STK10: variants seen among roughly 807,000 people sequenced by gnomAD.
STK10 encodes the protein serine/threonine kinase 10.
Under a neutral mutation model 113.8 loss-of-function variants are expected in STK10, and 78 were observed. That is an observed-to-expected ratio of 0.69 (90% CI 0.57 to 0.83). The LOEUF is 0.83. Among genes scored for constraint, STK10 ranks in the 40% least tolerant of loss-of-function variants. STK10 has a pLI of 0.00. For synonymous variants in STK10, 465 were observed against 494.7 expected, an observed-to-expected ratio of 0.94 and a Z score of 0.80; for missense variants, 1,109 against 1,280.1, an observed-to-expected ratio of 0.87 and a Z score of 2.04.
chr5:172,173,351 T>C (rs1770695505), intron 1 of STK10, among the ~76,000 whole-genome samples: 1 of 152,180 alleles, frequency 6.6e-6, no homozygotes, highest in South Asian at 2.1e-4. Flanking sequence ...GGTCATTGCC[T>C]CAGGGTGACA....
At chr5:172,124,410 AC>A (rs1384655479) in intron 3 of STK10, among the ~76,000 whole-genome samples, 5 of 152,236 alleles carry the variant, frequency 3.3e-5, no homozygotes, top group South Asian at 2.1e-4. Flanking sequence ...CCAGACTATC[AC>A]TTTTATACTG....
intron 9 of STK10, among the ~76,000 whole-genome samples, chr5:172,091,138 A>G (rs1768694238): frequency 6.6e-6 from 1 of 152,078 alleles, no homozygotes; most frequent in African/African-American, 2.4e-5. Context: ...CACACAGAGC[A>G]GTGCCCACTC....
In STK10 at chr5:172,056,618, G is replaced by A. The variant is rs180779151; in HGVS notation, c.2337+731C>T. Among the ~76,000 whole-genome samples the A allele has an allele frequency of 1.6e-3, 240 of 152,098 alleles. 2 individuals are homozygous for A. The East Asian group carries it at 0.04, about 25-fold the overall frequency. ...CACAGTGGCTCACGCCTGTAATCCT[G>A]GCACTTTGGGAGGCCAAGGCGGGCA... is the stretch of plus-strand genomic sequence containing the variant. On this transcript the variant is annotated intron_variant, in intron 15 of 18. Transcript: ENST00000176763.
chr5:172,095,388 G>A (rs905822510), intron 8 of STK10, among the ~76,000 whole-genome samples: 24 of 152,338 alleles, frequency 1.6e-4, no homozygotes, highest in Non-Finnish European at 2.9e-4. Flanking sequence ...GAGGCCAGGT[G>A]TGAGCGCTTT....
chr5:172,062,403 T>C (rs1328294083), intron 13 of STK10, among the ~76,000 whole-genome samples: 2 of 152,196 alleles, frequency 1.3e-5, no homozygotes, highest in African/African-American at 4.8e-5. Context: ...GTTATTGCTG[T>C]GTTACAAAAA....
At chr5:172,052,214 T>C (rs1767643582) in intron 18 of STK10, among the ~76,000 whole-genome samples, 1 of 152,092 alleles carries the variant, frequency 6.6e-6, no homozygotes, top group African/African-American at 2.4e-5. Context: ...TGCTGGCTAT[T>C]TGAGGTGGAG....
chr5:172,136,809 G>A (rs1213784517), intron 2 of STK10, among the ~76,000 whole-genome samples: 1 of 149,938 alleles, frequency 6.7e-6, no homozygotes, highest in African/African-American at 2.5e-5. Context: ...TGTCTTTCAT[G>A]AGAGCCTTTA....
chr5:172,051,397 G>A (rs1581130087), intron 18 of STK10, among the ~76,000 whole-genome samples: 2 of 151,790 alleles, frequency 1.3e-5, no homozygotes, highest in East Asian at 3.9e-4. Context: ...GGCCGAGGGG[G>A]GCGGATCACT....
intron 2 of STK10, 128 bp from the exon 3 acceptor site, chr5:172,127,549 C>T: frequency 1.1e-6 from 1 of 882,106 alleles, no homozygotes; most frequent in Non-Finnish European, 1.7e-6. Flanking sequence ...TCCAGCCCTT[C>T]CTCCTCCTGC....
Position 172,109,180 on chromosome 5 carries a change from A to G in STK10, c.521-1328T>C, listed in dbSNP as rs962097255. Among the ~76,000 whole-genome samples, 4 of 152,244 alleles carry G rather than the reference A, an allele frequency of 2.6e-5. No individual in the cohort carries two copies. The East Asian group carries it at 7.7e-4, about 29-fold the overall frequency. ...GTCTGGTCAGAATCATGCCCCTCTC[A>G]CTCCAAAAAGGGGAAAAATACACAC... On this transcript the variant is annotated intron_variant, in intron 4 of 18. Transcript: ENST00000176763.
At chr5:172,131,759 A>G (rs1368195491) in intron 2 of STK10, among the ~76,000 whole-genome samples, 1 of 152,220 alleles carries the variant, frequency 6.6e-6, no homozygotes, top group Admixed American at 6.5e-5. Context: ...TTAATAAAAC[A>G]ATAGTCTCAA....
In STK10 at chr5:172,093,576, T is replaced by G; in HGVS notation, c.1390A>C (p.Lys464Gln). Reference sequence around the variant, plus strand: ...GGCTCCAGGCTGCCATTGGCCAGCTTCTCCCCACCCAAGGTCTCCAGGGCG... The same window carrying G: ...GGCTCCAGGCTGCCATTGGCCAGCTGCTCCCCACCCAAGGTCTCCAGGGCG... ...SSALETLGGE[K>Q]LANGSLEPPA... The change falls in exon 9 of 19, where the codon AAG becomes CAG. Residue 464 changes from lysine (K) to glutamine (Q), a missense_variant. This residue lies in a region of STK10 where 885 missense variants were observed against 991.1 expected (regional missense o/e 0.89). Transcript: ENST00000176763. The surrounding 1 kb of genome is among the most constrained non-coding windows in gnomAD (Gnocchi z 4.1). 5 of 1,614,166 alleles carry G rather than the reference T, an allele frequency of 3.1e-6. No homozygotes were observed. Among genetic ancestry groups the G allele is most frequent in the Non-Finnish European group, 4.2e-6 (5 of 1,180,026 alleles).
chr5:172,151,190 C>G (rs940452091), intron 2 of STK10, among the ~76,000 whole-genome samples: 2 of 152,196 alleles, frequency 1.3e-5, no homozygotes, highest in African/African-American at 2.4e-5. Flanking sequence ...TTCCTACAGG[C>G]ACTACTGTGA....
rs149712520 is a variant in STK10 at position 172,045,514 on chromosome 5, C to T, written c.2767-492G>A. 7.9e-4 allele frequency: 353 copies of T among 446,210 alleles called. 1 individual carries two copies. Among genetic ancestry groups the T allele is most frequent in the African/African-American group, 6.5e-3 (323 of 49,494 alleles). 27.6% of individuals were successfully genotyped at this position (446,210 alleles called of 1,614,324 possible). A position where few individuals can be genotyped will look rare whatever the true frequency, so the allele number is the denominator to read the frequency against. The stretch of plus-strand genomic sequence containing the variant: ...CAAAAACAAAAACAAAAACAAAATA[C>T]ACGTGCCTTTGCCTAAACCCAGAGG... On this transcript the variant is annotated intron_variant, in intron 18 of 18. Coordinates refer to ENST00000176763, the MANE Select transcript of STK10 (RefSeq NM_005990.4).
intron 1 of STK10, among the ~76,000 whole-genome samples, chr5:172,157,146 T>A (rs1349177226): frequency 6.6e-6 from 1 of 152,222 alleles, no homozygotes; most frequent in East Asian, 1.9e-4. Flanking sequence ...TACGCCTTCA[T>A]ACATGCTCAC....
intron 18 of STK10, among the ~76,000 whole-genome samples, chr5:172,049,329 G>T (rs972710342): frequency 1.3e-5 from 2 of 152,128 alleles, no homozygotes; most frequent in African/African-American, 4.8e-5. Flanking sequence ...CAAGGACGGG[G>T]AGCCCAGAAG....
At chr5:172,134,014 G>T (rs1268421282) in intron 2 of STK10, among the ~76,000 whole-genome samples, 1 of 152,216 alleles carries the variant, frequency 6.6e-6, no homozygotes, top group Admixed American at 6.5e-5. Flanking sequence ...CAAGGTCCAA[G>T]AATCTGGTTT....
At chr5:172,130,520 G>A (rs1206761364) in intron 2 of STK10, among the ~76,000 whole-genome samples, 2 of 143,796 alleles carry the variant, frequency 1.4e-5, no homozygotes, top group African/African-American at 5.4e-5. Context: ...GACAGAGCAA[G>A]ACTCTGTCTC....
chr5:172,115,384 G>C (rs941856557), intron 4 of STK10, among the ~76,000 whole-genome samples: 1 of 152,180 alleles, frequency 6.6e-6, no homozygotes, highest in Non-Finnish European at 1.5e-5. Context: ...CCTGAGCTTG[G>C]TGGAGAGGGT....
Sources: gnomAD v4.1 joint callset for allele counts (sites outside exome capture counted in the v4.1 genomes callset) on GRCh38, gnomAD v4.1.1 for gene constraint, gnomAD v4.1.1 regional missense constraint, Gnocchi (gnomAD v3.1) non-coding constraint, MANE v1.5 for transcripts, NCBI Gene and HGNC (gene_info 2026-07-23, HGNC 2026-07-21) for gene names.